AGFG2: variants seen among roughly 807,000 people sequenced by gnomAD.
AGFG2 encodes arf-GAP domain and FG repeat-containing protein 2.
AGFG2 carries 31 observed loss-of-function variants against 48.0 expected under a neutral mutation model. The ratio of observed to expected loss-of-function variants is 0.65; its 90% CI spans 0.49 to 0.87. The LOEUF (loss-of-function observed/expected upper bound fraction) is 0.87, where lower values mean the gene tolerates loss of function less well. AGFG2 is among the 40% of genes least tolerant of loss of function. AGFG2 has a pLI of 0.00. For missense variants in AGFG2, 599 were observed against 632.6 expected (o/e 0.95, Z 0.57); for synonymous variants, 229 against 260.8 (o/e 0.88, Z 1.18).
At position 100,555,649 on chromosome 7, in the gene AGFG2, C is replaced by G. The variant is rs1301299691; in HGVS notation, c.791C>G (p.Ala264Gly). 6.2e-7 allele frequency: 1 copy of G among 1,614,052 alleles called. No homozygotes were observed. Among genetic ancestry groups the G allele is most frequent in the Non-Finnish European group, 8.5e-7 (1 of 1,179,954 alleles). ...CAAGGAGGCTTTGCCAACTTTGATG[C>G]CTTTAGCAGTGGCCCCAGCTCTTCT... ...PSQGGFANFD[A>G]FSSGPSSSVF... The change falls in exon 6 of 12, where the codon GCC becomes GGC. Residue 264 changes from alanine to glycine, a missense_variant. By Grantham distance (60) the Ala-to-Gly change is moderately conservative (BLOSUM62 0). Coordinates refer to ENST00000300176, the MANE Select transcript of AGFG2 (RefSeq NM_006076.5).
intron 1 of AGFG2, 27 bp downstream of exon 1, chr7:100,539,594 G>A (rs1800382932): frequency 8.0e-7 from 1 of 1,243,282 alleles, no homozygotes; most frequent in Non-Finnish European, 1.0e-6. Flanking sequence ...GAGTGGCCGA[G>A]GTCGGCGTGG....
rs1801021749 is a variant in AGFG2 at position 100,566,944 on chromosome 7, A to G, written c.*1953A>G. 2 of 152,210 alleles carry G rather than the reference A, an allele frequency of 1.3e-5. No homozygotes were observed. The highest frequency in any genetic ancestry group is 1.9e-4 in the East Asian group (1 of 5,190). 9.4% of individuals were successfully genotyped at this position (152,210 alleles called of 1,614,324 possible). A position where few individuals can be genotyped will look rare whatever the true frequency, so the allele number is the denominator to read the frequency against. On this transcript the variant is annotated 3_prime_UTR_variant, in exon 12 of 12. Transcript: ENST00000300176. ...TTTCTGTTATTTCCCCCCAGCTTCC[A>G]TCACCCTTCCCTTAATGCCAGGAGC... is the stretch of plus-strand genomic sequence containing the variant.
At chr7:100,558,613 C>T (rs1221833234) in intron 6 of AGFG2, among the ~76,000 whole-genome samples, 2 of 151,038 alleles carry the variant, frequency 1.3e-5, no homozygotes, top group East Asian at 3.9e-4. Flanking sequence ...ACAATCTCGG[C>T]TCACTGCAAA....
intron 11 of AGFG2, among the ~76,000 whole-genome samples, 174 bp downstream of exon 11, chr7:100,564,477 A>G (rs560068089): frequency 7.3e-5 from 11 of 150,654 alleles, no homozygotes; most frequent in African/African-American, 2.7e-4. Context: ...GGCATCTCCC[A>G]TGCTGTTCCA....
In AGFG2 at chr7:100,563,695, G is replaced by A. The variant is rs1800931442; in HGVS notation, c.1172-139G>A. On this transcript the variant is annotated intron_variant, in intron 9 of 11. Coordinates refer to ENST00000300176, the MANE Select transcript of AGFG2 (RefSeq NM_006076.5). ...GTTTGGTGGTGTGAGAAGCAGAAGA[G>A]TTCCATGGCTGGGTCCCTCGTTCCT... 3 of 1,290,338 alleles carry A rather than the reference G, an allele frequency of 2.3e-6. No homozygotes were observed. The East Asian group carries it at 7.4e-5, about 32-fold the overall frequency. 79.9% of individuals were successfully genotyped at this position (1,290,338 alleles called of 1,614,324 possible). A position where few individuals can be genotyped will look rare whatever the true frequency, so the allele number is the denominator to read the frequency against.
At chr7:100,555,410 A>T (rs1800739069) in intron 5 of AGFG2, among the ~76,000 whole-genome samples, 200 bp from the exon 6 acceptor site, 1 of 151,072 alleles carries the variant, frequency 6.6e-6, no homozygotes, top group South Asian at 2.1e-4. Flanking sequence ...GGTAGCTGGG[A>T]TTACAGGCAT....
Position 100,567,280 on chromosome 7 carries a change from G to C in AGFG2, c.*2289G>C, listed in dbSNP as rs1354695718. The C allele has an allele frequency of 6.6e-6, 1 of 152,670 alleles. No individual in the cohort carries two copies. Among genetic ancestry groups the C allele is most frequent in the African/African-American group, 2.4e-5 (1 of 41,470 alleles). 9.5% of individuals were successfully genotyped at this position (152,670 alleles called of 1,614,324 possible). On this transcript the variant is annotated 3_prime_UTR_variant, in exon 12 of 12. Transcript: ENST00000300176. ...CCTCCAGTGAGCCGCCTCTCCTGGA[G>C]AGTAGCAAAGAATGGAGAAAGGCCT...
chr7:100,562,379 G>A lies in AGFG2; in HGVS notation c.998G>A (p.Ser333Asn). The A allele has an allele frequency of 1.9e-6, 3 of 1,613,642 alleles. No individual in the cohort carries two copies. The highest frequency in any genetic ancestry group is 2.5e-6 in the Non-Finnish European group (3 of 1,179,816). The change falls in exon 7 of 12, where the codon AGC (serine) becomes AAC (asparagine). Residue 333 changes from serine (S) to asparagine (N), a missense_variant and splice_region_variant. Physicochemically the swap from Ser to Asn is conservative, Grantham distance 46. Transcript: ENST00000300176. The surrounding 1 kb of genome is among the most constrained non-coding windows in gnomAD (Gnocchi z 5.4). ...GTGCCCGCTGCAGGTGTTCCTAGCA[G>A]GTAGGTACAGACAGTGGGCAGTCTG... ...PGVPAAGVPSSLFGMAGQVPP... is the reference protein window; with the variant it reads ...PGVPAAGVPSNLFGMAGQVPP...
chr7:100,556,683 G>A lies in AGFG2; in HGVS notation c.877+948G>A, dbSNP rs555228634. ...CAAGTGCCTCTGATCATAGAGTTTT[G>A]AGGGCTGGAAGGAACCCTTAAAATT... is the stretch of plus-strand genomic sequence containing the variant. On this transcript the variant is annotated intron_variant, in intron 6 of 11. Coordinates refer to ENST00000300176, the MANE Select transcript of AGFG2 (RefSeq NM_006076.5). The A allele has an allele frequency of 1.4e-5, 18 of 1,256,152 alleles. No homozygotes were observed. The East Asian group carries it at 1.0e-3, about 71-fold the overall frequency. The allele number at this position is 1,256,152 out of a possible 1,614,324, so 77.8% of individuals were successfully genotyped here. A position where few individuals can be genotyped will look rare whatever the true frequency, so the allele number is the denominator to read the frequency against.
chr7:100,563,927 TC>T lies in AGFG2; in HGVS notation c.1271del (p.Pro424ArgfsTer17), dbSNP rs745530680. 2 of 1,608,726 alleles carry T rather than the reference TC, an allele frequency of 1.2e-6. No individual in the cohort carries two copies. ...GCCAGCTCCTTCCCAGCACCGCTGT[TC>T]CCCCCGCAGACCCCGCTTGTTCAGC... The part of the protein sequence containing the change: ...AFASSFPAPL[F>X]PPQTPLVQQQ... On this transcript the variant is annotated frameshift_variant, in exon 10 of 12. Coordinates refer to ENST00000300176, the MANE Select transcript of AGFG2 (RefSeq NM_006076.5). LOFTEE classifies it high-confidence loss of function.
At chr7:100,543,098 C>G (rs1800452659) in intron 1 of AGFG2, among the ~76,000 whole-genome samples, 1 of 151,940 alleles carries the variant, frequency 6.6e-6, no homozygotes, top group African/African-American at 2.4e-5. Context: ...GAGTCTCGCT[C>G]TGTCGCCCAG....
intron 1 of AGFG2, among the ~76,000 whole-genome samples, chr7:100,542,820 C>T (rs1255131306): frequency 6.6e-6 from 1 of 152,128 alleles, no homozygotes; most frequent in African/African-American, 2.4e-5. Context: ...GGCTGACAGC[C>T]TGCATGTTTA....
At chr7:100,558,450 GC>G (rs1800799541) in intron 6 of AGFG2, among the ~76,000 whole-genome samples, 1 of 152,018 alleles carries the variant, frequency 6.6e-6, no homozygotes, top group Admixed American at 6.6e-5. Context: ...CGAGGAAACA[GC>G]CTATATAAAG....
intron 6 of AGFG2, among the ~76,000 whole-genome samples, chr7:100,559,207 C>G (rs987275007): frequency 1.3e-5 from 2 of 152,126 alleles, no homozygotes; most frequent in African/African-American, 2.4e-5. Flanking sequence ...TTGTTGGGTG[C>G]CTTCATGCAT....
intron 6 of AGFG2, among the ~76,000 whole-genome samples, chr7:100,559,823 A>G (rs1008538294): frequency 8.6e-5 from 13 of 151,906 alleles, no homozygotes; most frequent in Admixed American, 6.6e-5. Flanking sequence ...TGTCTCAAAA[A>G]AAAAAAAAAA....
intron 1 of AGFG2, among the ~76,000 whole-genome samples, chr7:100,543,103 G>A (rs539571520): frequency 8.6e-5 from 13 of 151,834 alleles, no homozygotes; most frequent in African/African-American, 1.7e-4. Context: ...TCGCTCTGTC[G>A]CCCAGGCTGG....
intron 3 of AGFG2, among the ~76,000 whole-genome samples, chr7:100,553,010 A>C (rs568341921): frequency 6.6e-6 from 1 of 152,026 alleles, no homozygotes; most frequent in Admixed American, 6.6e-5. Context: ...TTAGCCAGGC[A>C]TGGTAGCATG....
intron 1 of AGFG2, among the ~76,000 whole-genome samples, chr7:100,540,795 T>C (rs1161738665): frequency 6.6e-6 from 1 of 151,976 alleles, no homozygotes; most frequent in Non-Finnish European, 1.5e-5. Context: ...AGGCAGATCA[T>C]GAGGTCAAGA....
In AGFG2 at chr7:100,566,809, A is replaced by C. The variant is rs886707802; in HGVS notation, c.*1818A>C. The C allele has an allele frequency of 6.6e-6, 1 of 151,632 alleles. No individual in the cohort carries two copies. The highest frequency in any genetic ancestry group is 2.1e-4 in the South Asian group (1 of 4,802). 9.4% of individuals were successfully genotyped at this position (151,632 alleles called of 1,614,324 possible). On this transcript the variant is annotated 3_prime_UTR_variant, in exon 12 of 12. Transcript: ENST00000300176. ...CTCTTTCTCCCCTCTTCGCCACCCT[A>C]GATTATCTCTGTGTCCCTCTACCTA...
Sources: gnomAD v4.1 joint callset for allele counts (sites outside exome capture counted in the v4.1 genomes callset) on GRCh38, gnomAD v4.1.1 for gene constraint, Gnocchi (gnomAD v3.1) non-coding constraint, MANE v1.5 for transcripts, NCBI Gene and HGNC (gene_info 2026-07-23, HGNC 2026-07-21) for gene names.